DRC4: variants seen among roughly 807,000 people sequenced by gnomAD.
The protein encoded by DRC4 is GAS-11.
the DRC4 span, chr16:90,043,022 C>G: frequency 3.0e-6 from 2 of 663,038 alleles, no homozygotes; most frequent in South Asian, 4.2e-5. Context: ...GCTACCTGAG[C>G]CAACGCAGTG....
the DRC4 span, chr16:90,042,632 C>G: frequency 1.0e-6 from 1 of 992,442 alleles, no homozygotes; most frequent in Non-Finnish European, 1.6e-6. Flanking sequence ...GTGCCCACTT[C>G]GTACCTCGTT....
the DRC4 span, among the ~76,000 whole-genome samples, chr16:90,021,874 A>AAAAAAAAAG: frequency 0.032 from 4,003 of 126,450 alleles, 171 homozygotes; most frequent in Non-Finnish European, 0.035. Flanking sequence ...AAAAAAAAAA[A>AAAAAAAAAG]AAGCACCTGT....
At chr16:90,021,713 A>T in the DRC4 span, among the ~76,000 whole-genome samples, 15 of 147,760 alleles carry the variant, frequency 1.0e-4, no homozygotes, top group South Asian at 1.3e-3. Context: ...TTAAAAACTT[A>T]AAAAAAAAAG....
At chr16:90,019,693 C>T in the DRC4 span, 3 of 565,906 alleles carry the variant, frequency 5.3e-6, no homozygotes, top group Non-Finnish European at 6.1e-6. This position sits in a 1 kb window ranked among gnomAD's most constrained non-coding sequence, Gnocchi z 6.1. Flanking sequence ...GCCCTCCCGA[C>T]CCCGGCCGGG....
the DRC4 span, chr16:90,040,626 G>T: frequency 2.2e-6 from 2 of 922,274 alleles, no homozygotes; most frequent in South Asian, 3.2e-5. Context: ...CCACTGAGGA[G>T]GGGCATTCAT....
the DRC4 span, chr16:90,043,208 C>T: frequency 2.3e-5 from 37 of 1,612,286 alleles, no homozygotes; most frequent in Non-Finnish European, 2.7e-5. Flanking sequence ...CCATAACGAC[C>T]TGCTGCGCAC....
chr16:90,037,691 G>T, the DRC4 span: 1 of 1,455,302 alleles, frequency 6.9e-7, no homozygotes, highest in Non-Finnish European at 9.6e-7. Flanking sequence ...CCATCTCCCA[G>T]GAGCCCGTGT....
chr16:90,032,904 G>A, the DRC4 span: 5 of 1,613,738 alleles, frequency 3.1e-6, no homozygotes, highest in Non-Finnish European at 4.2e-6. Flanking sequence ...CAGTGAGGTG[G>A]TGGTGAAGAA....
At chr16:90,023,612 AGCAGTACATTACG>A in the DRC4 span, among the ~76,000 whole-genome samples, 44 of 137,862 alleles carry the variant, frequency 3.2e-4, 2 homozygotes, top group Middle Eastern at 7.1e-3. Flanking sequence ...TTAAAAAGAG[AGCAGTACATTACG>A]AATTAAATTT....
chr16:90,025,108 C>G, the DRC4 span, among the ~76,000 whole-genome samples: 1 of 150,798 alleles, frequency 6.6e-6, no homozygotes, highest in East Asian at 2.1e-4. Context: ...CCTCTGCCAC[C>G]TGGGTTCAAG....
At chr16:90,030,074 G>A in the DRC4 span, among the ~76,000 whole-genome samples, 1 of 152,014 alleles carries the variant, frequency 6.6e-6, no homozygotes, top group East Asian at 1.9e-4. Flanking sequence ...ATTCTTAAGG[G>A]AAATGAGCTC....
chr16:90,031,540 G>C, the DRC4 span: 1 of 1,518,900 alleles, frequency 6.6e-7, no homozygotes, highest in Non-Finnish European at 8.9e-7. Context: ...TCACCACAGA[G>C]CCCCAGAGGA....
the DRC4 span, chr16:90,043,658 G>C: frequency 3.6e-6 from 2 of 556,262 alleles, no homozygotes; most frequent in African/African-American, 3.8e-5. Context: ...CTGGGGGTTG[G>C]GGCAGTGCCG....
At chr16:90,041,814 A>C in the DRC4 span, among the ~76,000 whole-genome samples, 3 of 152,206 alleles carry the variant, frequency 2.0e-5, no homozygotes, top group Admixed American at 1.3e-4. Context: ...AAAAAGTGAG[A>C]TAGTACATTC....
the DRC4 span, chr16:90,027,673 G>C: frequency 6.2e-7 from 1 of 1,614,152 alleles, no homozygotes; most frequent in African/African-American, 1.3e-5. Context: ...AAAGCCAAAG[G>C]CACCCCGATT....
chr16:90,039,286 G>A, the DRC4 span, among the ~76,000 whole-genome samples: 13 of 152,238 alleles, frequency 8.5e-5, no homozygotes, highest in African/African-American at 3.1e-4. Flanking sequence ...GTTCCTGACA[G>A]TGTCCAAGCT....
chr16:90,044,269 A>G, the DRC4 span: 2 of 444,154 alleles, frequency 4.5e-6, no homozygotes, highest in Non-Finnish European at 9.0e-6. Context: ...CCCTTGGCCC[A>G]GCCTCCCCAC....
chr16:90,027,869 C>T, the DRC4 span: 1 of 684,860 alleles, frequency 1.5e-6, no homozygotes, highest in Admixed American at 2.8e-5. Flanking sequence ...TAATTCCCAT[C>T]AGCGGCAAAG....
chr16:90,037,330 G>T, the DRC4 span: 1 of 1,614,112 alleles, frequency 6.2e-7, no homozygotes, highest in Non-Finnish European at 8.5e-7. Context: ...CTCTCCAGAA[G>T]GCTCGGGAGG....
Sources: gnomAD v4.1 joint callset for allele counts (sites outside exome capture counted in the v4.1 genomes callset) on GRCh38, gnomAD v4.1.1 for gene constraint, Gnocchi (gnomAD v3.1) non-coding constraint, MANE v1.5 for transcripts, NCBI Gene and HGNC (gene_info 2026-07-23, HGNC 2026-07-21) for gene names.